EXOC4: variants seen among roughly 807,000 people sequenced by gnomAD.
EXOC4 encodes the protein SEC8-like 1.
EXOC4 carries 71 observed loss-of-function variants against 107.2 expected under a neutral mutation model. That is an observed-to-expected ratio of 0.66 (90% CI 0.55 to 0.81). EXOC4 has a LOEUF of 0.81. EXOC4 is among the 30% of genes least tolerant of loss of function. EXOC4 has a pLI of 0.00. For missense variants in EXOC4, 1,108 were observed against 1,189.6 expected, an observed-to-expected ratio of 0.93 and a Z score of 1.01; for synonymous variants, 456 against 441.2, an observed-to-expected ratio of 1.03 and a Z score of -0.42.
intron 14 of EXOC4, among the ~76,000 whole-genome samples, chr7:133,962,211 C>A (rs1368682896): frequency 6.6e-6 from 1 of 152,168 alleles, no homozygotes; most frequent in Non-Finnish European, 1.5e-5. Flanking sequence ...GAAGAACATA[C>A]TTACTGTGGA....
At chr7:133,479,892 A>G (rs1444602029) in intron 8 of EXOC4, among the ~76,000 whole-genome samples, 158 bp from the exon 9 acceptor site, 1 of 152,230 alleles carries the variant, frequency 6.6e-6, no homozygotes, top group East Asian at 1.9e-4. Context: ...GGTCTGCGGC[A>G]GCTGGCCCTG....
At chr7:133,281,311 A>AATAT (rs1323471283) in intron 2 of EXOC4, among the ~76,000 whole-genome samples, 1 of 150,548 alleles carries the variant, frequency 6.6e-6, no homozygotes, top group African/African-American at 2.4e-5. Context: ...TAAATAAATA[A>AATAT]AAAGAAAATT....
At chr7:133,493,554 A>G (rs1192426052) in intron 9 of EXOC4, among the ~76,000 whole-genome samples, 2 of 152,218 alleles carry the variant, frequency 1.3e-5, no homozygotes, top group Non-Finnish European at 2.9e-5. Flanking sequence ...CATAGGAGGC[A>G]CTCAGTAAAT....
At chr7:133,588,285 A>C (rs552744055) in intron 9 of EXOC4, among the ~76,000 whole-genome samples, 1 of 152,208 alleles carries the variant, frequency 6.6e-6, no homozygotes, top group African/African-American at 2.4e-5. Context: ...AATACCATGG[A>C]CACAAAATGA....
At chr7:133,708,213 A>G (rs1794810531) in intron 10 of EXOC4, among the ~76,000 whole-genome samples, 1 of 152,184 alleles carries the variant, frequency 6.6e-6, no homozygotes, top group Admixed American at 6.5e-5. Context: ...GAAAAATAGG[A>G]ATTCTTCATA....
At chr7:133,272,592 A>G (rs1484879052) in intron 1 of EXOC4, among the ~76,000 whole-genome samples, 1 of 152,038 alleles carries the variant, frequency 6.6e-6, no homozygotes, top group East Asian at 1.9e-4. Context: ...CTCTAATTAA[A>G]AAAAAAAAGC....
At chr7:133,787,958 TA>T (rs745982072) in intron 10 of EXOC4, among the ~76,000 whole-genome samples, 10,611 of 52,906 alleles carry the variant, frequency 0.2, 1,475 homozygotes, top group Middle Eastern at 0.3. Flanking sequence ...CATATATTTA[TA>T]TATTTATATA....
At chr7:133,442,156 C>A (rs1459029208) in intron 7 of EXOC4, among the ~76,000 whole-genome samples, 1 of 151,976 alleles carries the variant, frequency 6.6e-6, no homozygotes, top group Non-Finnish European at 1.5e-5. Context: ...TTTTTTAATA[C>A]CTGCCATTGA....
the EXOC4 span, among the ~76,000 whole-genome samples, chr7:134,077,686 A>C: frequency 2.6e-5 from 4 of 152,228 alleles, no homozygotes; most frequent in Non-Finnish European, 5.9e-5. Flanking sequence ...GCATGAAAGC[A>C]GGGATACAGA....
intron 17 of EXOC4, among the ~76,000 whole-genome samples, chr7:134,027,621 G>A (rs1795171289): frequency 7.1e-6 from 1 of 139,890 alleles, no homozygotes; most frequent in Non-Finnish European, 1.5e-5. Flanking sequence ...TCACGCCACT[G>A]CACTCCAGCC....
chr7:133,866,979 A>G (rs1798654704), intron 11 of EXOC4, among the ~76,000 whole-genome samples: 1 of 152,182 alleles, frequency 6.6e-6, no homozygotes, highest in East Asian at 1.9e-4. Flanking sequence ...ATCACTTGCA[A>G]GTCCCTTCAG....
chr7:133,803,611 T>C (rs775957049), intron 10 of EXOC4, among the ~76,000 whole-genome samples: 1 of 152,188 alleles, frequency 6.6e-6, no homozygotes, highest in Admixed American at 6.5e-5. Flanking sequence ...ATGATGCATA[T>C]TGTATCATTT....
chr7:133,941,601 C>G (rs953752320), intron 14 of EXOC4, among the ~76,000 whole-genome samples: 8 of 152,178 alleles, frequency 5.3e-5, no homozygotes, highest in Non-Finnish European at 7.3e-5. Context: ...TGCATTTCCC[C>G]TACCACACAG....
intron 9 of EXOC4, among the ~76,000 whole-genome samples, chr7:133,569,890 C>G (rs1800983997): frequency 6.6e-6 from 1 of 152,152 alleles, no homozygotes; most frequent in Non-Finnish European, 1.5e-5. Flanking sequence ...ATCTCTGTCA[C>G]CGTTGGAATA....
At chr7:133,637,495 G>A (rs1052837770) in intron 10 of EXOC4, among the ~76,000 whole-genome samples, 1 of 152,108 alleles carries the variant, frequency 6.6e-6, no homozygotes, top group Non-Finnish European at 1.5e-5. Context: ...AGCCTATGTA[G>A]ACATTTTGAA....
intron 7 of EXOC4, among the ~76,000 whole-genome samples, chr7:133,465,855 G>C (rs979035332): frequency 6.6e-6 from 1 of 152,094 alleles, no homozygotes; most frequent in Non-Finnish European, 1.5e-5. Flanking sequence ...AGAAAACTCG[G>C]CCGGGGGCAG....
chr7:133,362,850 CCTT>C (rs1796164585), intron 6 of EXOC4, among the ~76,000 whole-genome samples: 2 of 152,012 alleles, frequency 1.3e-5, no homozygotes, highest in East Asian at 1.9e-4. Flanking sequence ...TATTAGTTAC[CCTT>C]CTTCTAAGTA....
At chr7:134,021,452 G>A (rs751667433) in intron 17 of EXOC4, among the ~76,000 whole-genome samples, 3 of 152,118 alleles carry the variant, frequency 2.0e-5, no homozygotes, top group Non-Finnish European at 4.4e-5. Context: ...AAATGTAAAC[G>A]TGTAGGTACT....
chr7:133,346,819 T>C (rs1000315141), intron 5 of EXOC4, among the ~76,000 whole-genome samples: 3 of 152,214 alleles, frequency 2.0e-5, no homozygotes, highest in South Asian at 4.1e-4. Context: ...TTGTGTATCA[T>C]GCGTAGTATA....
Sources: allele counts gnomAD v4.1 joint callset (sites outside exome capture counted in the v4.1 genomes callset), GRCh38; gene constraint gnomAD v4.1.1; transcripts MANE v1.5; gene names NCBI Gene and HGNC (gene_info 2026-07-23, HGNC 2026-07-21).